KHDRBS2: variants seen among roughly 807,000 people sequenced by gnomAD.
The protein encoded by KHDRBS2 is KH RNA binding domain containing, signal transduction associated 2.
In KHDRBS2, 26 loss-of-function variants were observed where a neutral mutation model predicts 44.3. That is an observed-to-expected ratio of 0.59 (90% CI 0.43 to 0.81). KHDRBS2 has a LOEUF of 0.81. Ranked by LOEUF, KHDRBS2 falls within the 40% of genes least tolerant of loss-of-function variation. The pLI is 0.00. For synonymous variants in KHDRBS2, 194 were observed against 151.1 expected (o/e 1.28, Z -2.08); for missense variants, 476 against 433.1 (o/e 1.10, Z -0.88).
intron 1 of KHDRBS2, among the ~76,000 whole-genome samples, chr6:62,207,009 T>C (rs1291941632): frequency 6.6e-6 from 1 of 152,088 alleles, no homozygotes; most frequent in Non-Finnish European, 1.5e-5. Flanking sequence ...TGTGTGTGCA[T>C]AAAAACATCA....
At chr6:62,048,051 C>T (rs1788096344) in intron 2 of KHDRBS2, 57 bp from the exon 3 acceptor site, 2 of 995,448 alleles carry the variant, frequency 2.0e-6, no homozygotes, top group Non-Finnish European at 3.2e-6. Context: ...TGATTATTTG[C>T]ACCAAGAGTA....
In KHDRBS2 at chr6:62,217,000, T is replaced by G. The variant is rs1830114795; in HGVS notation, c.92-39688A>C. ...AAATTTCCTGGCCTGAGAGTCTTTATATCTTCTCAGAAAGAGATGATCTGA... is the reference window on the plus strand; with the variant it reads ...AAATTTCCTGGCCTGAGAGTCTTTAGATCTTCTCAGAAAGAGATGATCTGA... On this transcript the variant is annotated intron_variant, in intron 1 of 8. Coordinates refer to ENST00000281156, the MANE Select transcript of KHDRBS2 (RefSeq NM_152688.4). 2.0e-5 allele frequency among the ~76,000 whole-genome samples: 3 copies of G among 148,138 alleles called. No individual in the cohort carries two copies. The South Asian group carries it at 6.4e-4, about 32-fold the overall frequency.
chr6:61,584,793 T>G, the KHDRBS2 span, among the ~76,000 whole-genome samples: 1 of 151,902 alleles, frequency 6.6e-6, no homozygotes, highest in African/African-American at 2.4e-5. Flanking sequence ...ATTGGGAATA[T>G]TCAGTGGTAT....
chr6:61,927,520 A>C (rs1205124751), intron 4 of KHDRBS2, among the ~76,000 whole-genome samples: 10 of 152,140 alleles, frequency 6.6e-5, no homozygotes, highest in Non-Finnish European at 1.3e-4. Flanking sequence ...CTCCAAGTCA[A>C]CTATCTTGAG....
chr6:62,239,060 T>C (rs990014258), intron 1 of KHDRBS2, among the ~76,000 whole-genome samples: 2 of 152,224 alleles, frequency 1.3e-5, no homozygotes, highest in Non-Finnish European at 2.9e-5. Context: ...CAATGTAATA[T>C]GTGAATCTTG....
chr6:62,176,550 C>T (rs930633106), intron 2 of KHDRBS2, among the ~76,000 whole-genome samples: 17 of 150,786 alleles, frequency 1.1e-4, no homozygotes, highest in Non-Finnish European at 1.5e-4. Context: ...ATTCATTTGA[C>T]CAAAAAAAAT....
intron 7 of KHDRBS2, among the ~76,000 whole-genome samples, chr6:61,711,043 G>A: frequency 6.6e-6 from 1 of 150,440 alleles, no homozygotes; most frequent in East Asian, 2.0e-4. Flanking sequence ...ATCAAAGCCT[G>A]AGCAATACCT....
rs374395882 is a variant in KHDRBS2 at position 62,236,209 on chromosome 6, G to T, written c.91+49649C>A. 1.2e-4 allele frequency among the ~76,000 whole-genome samples: 18 copies of T among 151,884 alleles called. No individual in the cohort carries two copies. The East Asian group carries it at 2.7e-3, about 23-fold the overall frequency. ...CTCTATACCTTAACAATAAAAGAGG[G>T]ATTTATTTTCTTTTGAAAGCTTCAT... On this transcript the variant is annotated intron_variant, in intron 1 of 8. Coordinates refer to ENST00000281156, the MANE Select transcript of KHDRBS2 (RefSeq NM_152688.4).
At chr6:62,096,007 G>A (rs1326942934) in intron 2 of KHDRBS2, among the ~76,000 whole-genome samples, 1 of 151,834 alleles carries the variant, frequency 6.6e-6, no homozygotes, top group Non-Finnish European at 1.5e-5. Context: ...TTCTCGTCAT[G>A]TGCTGTATCA....
At chr6:62,118,938 G>A (rs554273241) in intron 2 of KHDRBS2, among the ~76,000 whole-genome samples, 216 of 152,164 alleles carry the variant, frequency 1.4e-3, no homozygotes, top group Admixed American at 3.6e-3. Flanking sequence ...TGACCTATTA[G>A]GGAATTTCAC....
chr6:61,875,274 A>G (rs944573923), intron 6 of KHDRBS2, among the ~76,000 whole-genome samples: 3 of 151,976 alleles, frequency 2.0e-5, no homozygotes, highest in African/African-American at 7.2e-5. Flanking sequence ...GCGGAAACCC[A>G]TATAATGTTC....
At chr6:62,195,896 GAAATAATGTTTTAAAATGT>G (rs2150134475) in intron 1 of KHDRBS2, among the ~76,000 whole-genome samples, 1 of 152,194 alleles carries the variant, frequency 6.6e-6, no homozygotes, top group African/African-American at 2.4e-5. Context: ...CTAAACATTA[GAAATAATGTTTTAAAATGT>G]AAATTAATTA....
At chr6:61,880,876 A>C (rs1800111981) in intron 6 of KHDRBS2, among the ~76,000 whole-genome samples, 1 of 151,960 alleles carries the variant, frequency 6.6e-6, no homozygotes, top group Non-Finnish European at 1.5e-5. Flanking sequence ...TCCAAAAAGA[A>C]ACTACTCTGA....
the KHDRBS2 span, among the ~76,000 whole-genome samples, chr6:61,555,366 GT>G: frequency 6.6e-6 from 1 of 151,680 alleles, no homozygotes; most frequent in Non-Finnish European, 1.5e-5. Flanking sequence ...AGTTCAGTTT[GT>G]TTTTTTCTGA....
chr6:61,874,149 C>T (rs1174178828), intron 6 of KHDRBS2, among the ~76,000 whole-genome samples: 1 of 151,554 alleles, frequency 6.6e-6, no homozygotes, highest in Non-Finnish European at 1.5e-5. Context: ...ATATGAAATG[C>T]TAGAGGAATT....
At position 62,106,274 on chromosome 6, in the gene KHDRBS2, T is replaced by C. The variant is rs192154665; in HGVS notation, c.220-58280A>G. On this transcript the variant is annotated intron_variant, in intron 2 of 8. Transcript: ENST00000281156. ...TATTCTGTTGATTTGGGGTGGAGAG[T>C]TCTGTAGATGTCTATTAGGTCTGCT... is the stretch of plus-strand genomic sequence containing the variant. Among the ~76,000 whole-genome samples the C allele has an allele frequency of 3.8e-3, 584 of 152,044 alleles. 1 individual carries two copies. Among genetic ancestry groups the C allele is most frequent in the African/African-American group, 0.014 (563 of 41,474 alleles).
At chr6:61,961,207 T>G (rs1768630449) in intron 4 of KHDRBS2, among the ~76,000 whole-genome samples, 1 of 152,274 alleles carries the variant, frequency 6.6e-6, no homozygotes, top group East Asian at 1.9e-4. Context: ...ACTGAGTGCT[T>G]ACTATTGCCA....
At chr6:61,699,885 A>G (rs984541255) in intron 7 of KHDRBS2, among the ~76,000 whole-genome samples, 2 of 151,896 alleles carry the variant, frequency 1.3e-5, no homozygotes, top group African/African-American at 4.8e-5. Flanking sequence ...AAATTATGGT[A>G]ATGTGTTCTC....
intron 4 of KHDRBS2, among the ~76,000 whole-genome samples, chr6:61,938,734 T>C (rs1811514119): frequency 1.3e-5 from 2 of 152,056 alleles, no homozygotes; most frequent in African/African-American, 4.8e-5. Context: ...TCTCCTTTTG[T>C]CCACAAAAGG....
Sources: gnomAD v4.1 joint callset for allele counts (sites outside exome capture counted in the v4.1 genomes callset) on GRCh38, gnomAD v4.1.1 for gene constraint, MANE v1.5 for transcripts, NCBI Gene and HGNC (gene_info 2026-07-23, HGNC 2026-07-21) for gene names.